Variants in DAB2IP observed in about 807,000 individuals in gnomAD.
DAB2IP encodes DAB2 interacting protein.
In DAB2IP, 28 loss-of-function variants were observed where a neutral mutation model predicts 107.2. The ratio of observed to expected loss-of-function variants is 0.26; its 90% CI spans 0.19 to 0.36. DAB2IP has a LOEUF of 0.36. Ranked by LOEUF, DAB2IP falls within the 10% of genes least tolerant of loss-of-function variation. The pLI is 1.00. For missense variants in DAB2IP, 1,400 were observed against 1,644.7 expected, an observed-to-expected ratio of 0.85 and a Z score of 2.57; for synonymous variants, 755 against 706.4, an observed-to-expected ratio of 1.07 and a Z score of -1.09.
chr9:121,693,174 G>A (rs1448085285), intron 2 of DAB2IP, among the ~76,000 whole-genome samples: 1 of 152,210 alleles, frequency 6.6e-6, no homozygotes, highest in East Asian at 1.9e-4. Flanking sequence ...GGGGACCCAG[G>A]TTCTAATGGC....
chr9:121,604,055 G>A (rs1460129561), intron 1 of DAB2IP, among the ~76,000 whole-genome samples: 2 of 152,050 alleles, frequency 1.3e-5, no homozygotes, highest in African/African-American at 2.4e-5. Context: ...GAATTACACA[G>A]TGTTTTGCAC....
rs537402509 is a variant in DAB2IP at position 121,684,426 on chromosome 9, C to G, written c.228+5645C>G. Among the ~76,000 whole-genome samples the G allele has an allele frequency of 2.0e-5, 3 of 152,290 alleles. No individual in the cohort carries two copies. The South Asian group carries it at 6.2e-4, about 32-fold the overall frequency. The stretch of plus-strand genomic sequence containing the variant: ...TCCCAGCACCTGGATATCAGCCACC[C>G]CGTCTGAGCTGAGCCCTTCTCCCAG... On this transcript the variant is annotated intron_variant, in intron 2 of 15. Transcript: ENST00000408936. The surrounding 1 kb of genome is among the most constrained non-coding windows in gnomAD (Gnocchi z 4.0).
At chr9:121,597,578 C>T (rs1421590650) in intron 1 of DAB2IP, among the ~76,000 whole-genome samples, 3 of 152,180 alleles carry the variant, frequency 2.0e-5, no homozygotes, top group Non-Finnish European at 2.9e-5. Context: ...AGAGTAGAAA[C>T]TTGTGTTCAC....
chr9:121,643,095 TCAAGAAAGCCA>T (rs1311368996), intron 1 of DAB2IP, among the ~76,000 whole-genome samples: 5 of 152,084 alleles, frequency 3.3e-5, no homozygotes, highest in African/African-American at 1.2e-4. Context: ...CAGTGGCTCC[TCAAGAAAGCCA>T]CTAGAAAGCT....
chr9:121,665,346 GA>G (rs1833372588), intron 1 of DAB2IP, among the ~76,000 whole-genome samples: 2 of 152,078 alleles, frequency 1.3e-5, no homozygotes, highest in Admixed American at 6.6e-5. Context: ...CGTCTCTAAT[GA>G]AAATAAATAA....
At chr9:121,688,164 G>A (rs570196766) in intron 2 of DAB2IP, among the ~76,000 whole-genome samples, 5 of 152,256 alleles carry the variant, frequency 3.3e-5, no homozygotes, top group East Asian at 1.9e-4. Context: ...AGGCTCAGAC[G>A]CCTTCATTTT....
rs570801363 is a variant in DAB2IP at position 121,702,781 on chromosome 9, G to C, written c.362+3323G>C. The stretch of plus-strand genomic sequence containing the variant: ...TGTTACTGAGGAGCTAGGAGGGTCA[G>C]TTGGCAATATTATGCTTTCCTCATT... On this transcript the variant is annotated intron_variant, in intron 3 of 15. Transcript: ENST00000408936. This position sits in a 1 kb window ranked among gnomAD's most constrained non-coding sequence, Gnocchi z 4.5. Among the ~76,000 whole-genome samples the C allele has an allele frequency of 6.6e-6, 1 of 152,266 alleles. No individual in the cohort carries two copies. Among genetic ancestry groups the C allele is most frequent in the African/African-American group, 2.4e-5 (1 of 41,544 alleles).
chr9:121,696,979 C>G (rs1172650821), intron 2 of DAB2IP, among the ~76,000 whole-genome samples: 1 of 152,198 alleles, frequency 6.6e-6, no homozygotes, highest in Admixed American at 6.5e-5. Flanking sequence ...GCCACTGTGT[C>G]TAGCACATAA....
upstream of DAB2IP, among the ~76,000 whole-genome samples, chr9:121,648,486 C>G (rs556965081): frequency 6.6e-6 from 1 of 152,006 alleles, no homozygotes; most frequent in Non-Finnish European, 1.5e-5. Context: ...ACAGCTTGGT[C>G]TCTGAGAGTT....
intron 3 of DAB2IP, among the ~76,000 whole-genome samples, chr9:121,740,927 C>T (rs778757567): frequency 7.2e-5 from 11 of 152,126 alleles, no homozygotes; most frequent in Non-Finnish European, 1.2e-4. Flanking sequence ...CTAAATGACA[C>T]GACCAGAATT....
In DAB2IP at chr9:121,699,092, G is replaced by A. The variant is rs1211919695; in HGVS notation, c.229-233G>A. Among the ~76,000 whole-genome samples, 1 of 147,658 alleles carries A rather than the reference G, an allele frequency of 6.8e-6. No homozygotes were observed. The highest frequency in any genetic ancestry group is 1.5e-5 in the Non-Finnish European group (1 of 66,406). On this transcript the variant is annotated intron_variant, in intron 2 of 15. Coordinates refer to ENST00000408936, the Ensembl canonical transcript of DAB2IP. The surrounding 1 kb of genome is among the most constrained non-coding windows in gnomAD (Gnocchi z 6.2). The stretch of plus-strand genomic sequence containing the variant: ...CGCCAAGGCAACAGCGGCTTAGGGG[G>A]CGGGGGCGACGTGGCGGGCGGGGTG...
At chr9:121,747,387 G>A (rs766131154) in intron 3 of DAB2IP, among the ~76,000 whole-genome samples, 2 of 143,660 alleles carry the variant, frequency 1.4e-5, no homozygotes, top group Non-Finnish European at 3.0e-5. Flanking sequence ...TCGCTCTGTC[G>A]CCCAGGCTGG....
intron 1 of DAB2IP, among the ~76,000 whole-genome samples, chr9:121,629,342 C>A (rs765890835): frequency 6.6e-6 from 1 of 152,096 alleles, no homozygotes; most frequent in African/African-American, 2.4e-5. Flanking sequence ...GTGGGGGTGA[C>A]AGCCAAGCTT....
chr9:121,726,834 C>T (rs544889411), intron 3 of DAB2IP, among the ~76,000 whole-genome samples: 3 of 152,246 alleles, frequency 2.0e-5, no homozygotes, highest in South Asian at 4.1e-4. Context: ...GAGGGCTCAG[C>T]CCTGTATTCC....
In DAB2IP at chr9:121,698,738, G is replaced by C. The variant is rs1439358334; in HGVS notation, c.229-587G>C. Among the ~76,000 whole-genome samples the C allele has an allele frequency of 6.6e-6, 1 of 152,238 alleles. No homozygotes were observed. The highest frequency in any genetic ancestry group is 1.5e-5 in the Non-Finnish European group (1 of 68,040). ...CCAGGGCACTGCCAGGCGCAGGCCAGCCGGCGCCTCAGCCGACCACGCGCC... is the reference window on the plus strand; with the variant it reads ...CCAGGGCACTGCCAGGCGCAGGCCACCCGGCGCCTCAGCCGACCACGCGCC... On this transcript the variant is annotated intron_variant, in intron 2 of 15. Transcript: ENST00000408936. This position sits in a 1 kb window ranked among gnomAD's most constrained non-coding sequence, Gnocchi z 4.1.
intron 1 of DAB2IP, among the ~76,000 whole-genome samples, chr9:121,636,084 T>G (rs769574886): frequency 3.9e-5 from 6 of 152,160 alleles, no homozygotes. Context: ...TTTGTATTTT[T>G]TTTTAGTAGA....
At chr9:121,608,553 T>C (rs1667563911) in intron 1 of DAB2IP, among the ~76,000 whole-genome samples, 1 of 151,400 alleles carries the variant, frequency 6.6e-6, no homozygotes, top group African/African-American at 2.4e-5. Context: ...GGGGGTAAGG[T>C]AGTGATGGGA....
chr9:121,620,508 C>A (rs1382770738), intron 1 of DAB2IP, among the ~76,000 whole-genome samples: 1 of 152,220 alleles, frequency 6.6e-6, no homozygotes, highest in East Asian at 1.9e-4. Context: ...ACAGTGCTAA[C>A]CCCAGTAGGT....
chr9:121,778,987 C>A (rs1835404775), intron 14 of DAB2IP, among the ~76,000 whole-genome samples: 1 of 152,144 alleles, frequency 6.6e-6, no homozygotes. Context: ...CACCTCCCCC[C>A]ATTTCTTTCT....
Sources: gnomAD v4.1 joint callset for allele counts (sites outside exome capture counted in the v4.1 genomes callset) on GRCh38, gnomAD v4.1.1 for gene constraint, Gnocchi (gnomAD v3.1) non-coding constraint, MANE v1.5 for transcripts, NCBI Gene and HGNC (gene_info 2026-07-23, HGNC 2026-07-21) for gene names.